Variants in EYS observed in about 807,000 individuals in gnomAD.
EYS encodes the protein protein eyes shut homolog.
In EYS, 250 loss-of-function variants were observed where a neutral mutation model predicts 282.1. That is an observed-to-expected ratio of 0.89 (90% CI 0.80 to 0.98). The LOEUF (loss-of-function observed/expected upper bound fraction) is 0.98. Among genes scored for constraint, EYS ranks in the 50% least tolerant of loss-of-function variants. The probability of loss-of-function intolerance (pLI) is 0.00; values close to 1 mark genes in which losing one functional copy is unlikely to be tolerated. For synonymous variants in EYS, 1,355 were observed against 1,282.9 expected (o/e 1.06, Z -1.20); for missense variants, 4,016 against 3,709.0 (o/e 1.08, Z -2.15).
intron 5 of EYS, among the ~76,000 whole-genome samples, chr6:65,435,380 A>T (rs1271021200): frequency 6.6e-6 from 1 of 152,048 alleles, no homozygotes. Flanking sequence ...AAATTTTCTA[A>T]TAAAATTTTG....
chr6:64,243,962 G>A (rs564990603), intron 30 of EYS, among the ~76,000 whole-genome samples: 13 of 152,184 alleles, frequency 8.5e-5, no homozygotes, highest in African/African-American at 2.9e-4. Context: ...ACCATTGTGA[G>A]TTCATCTGAA....
chr6:64,003,626 A>G (rs979195124), intron 33 of EYS, among the ~76,000 whole-genome samples: 1 of 152,174 alleles, frequency 6.6e-6, no homozygotes, highest in African/African-American at 2.4e-5. Flanking sequence ...ACTTTGGAAA[A>G]TTTTTACCTG....
chr6:65,414,480 C>G (rs1767152396), intron 5 of EYS, among the ~76,000 whole-genome samples: 1 of 151,664 alleles, frequency 6.6e-6, no homozygotes, highest in South Asian at 2.1e-4. Context: ...GTGAAGAAGA[C>G]AGTGAGAAAA....
chr6:64,365,629 A>G (rs1035694701), intron 29 of EYS, among the ~76,000 whole-genome samples: 4 of 152,036 alleles, frequency 2.6e-5, no homozygotes, highest in African/African-American at 9.7e-5. Context: ...TTCATGGGTG[A>G]TATGGTGAAC....
chr6:65,416,123 T>C (rs369954549), intron 5 of EYS, among the ~76,000 whole-genome samples: 2 of 151,904 alleles, frequency 1.3e-5, no homozygotes, highest in African/African-American at 4.8e-5. Flanking sequence ...AAAGGCTCAA[T>C]AGTCTTTGTT....
chr6:64,904,238 A>C (rs1767756445), intron 16 of EYS, among the ~76,000 whole-genome samples: 1 of 152,166 alleles, frequency 6.6e-6, no homozygotes, highest in African/African-American at 2.4e-5. Flanking sequence ...GACAAGCAAT[A>C]TTTTTAATTT....
chr6:65,284,014 C>T (rs558935740), intron 12 of EYS, among the ~76,000 whole-genome samples: 2 of 152,154 alleles, frequency 1.3e-5, no homozygotes, highest in African/African-American at 2.4e-5. Flanking sequence ...ATGTTATATA[C>T]GTTTTCCATC....
chr6:65,698,557 T>C (rs147871930), intron 1 of EYS, among the ~76,000 whole-genome samples: 1,845 of 152,312 alleles, frequency 0.012, 12 homozygotes, highest in Non-Finnish European at 0.016. Flanking sequence ...AATTGTATTC[T>C]ATGTAACTCA....
chr6:63,985,922 A>G (rs976712926), intron 34 of EYS, among the ~76,000 whole-genome samples: 1 of 151,938 alleles, frequency 6.6e-6, no homozygotes, highest in Non-Finnish European at 1.5e-5. Context: ...AAAATTGACT[A>G]GTGGGATCTA....
At chr6:63,942,440 ATCTCTATTAAGGTGTC>A (rs1239557366) in intron 35 of EYS, among the ~76,000 whole-genome samples, 1 of 152,202 alleles carries the variant, frequency 6.6e-6, no homozygotes, top group Non-Finnish European at 1.5e-5. Flanking sequence ...CTTAGTAGAC[ATCTCTATTAAGGTGTC>A]TCTAATTAAT....
chr6:65,060,179 A>C (rs1236907175), intron 12 of EYS, among the ~76,000 whole-genome samples: 3 of 151,974 alleles, frequency 2.0e-5, no homozygotes, highest in Admixed American at 6.6e-5. Flanking sequence ...AGGATAAAGA[A>C]TTTATGATCT....
intron 30 of EYS, among the ~76,000 whole-genome samples, chr6:64,236,752 G>C (rs1290322147): frequency 6.9e-6 from 1 of 144,296 alleles, no homozygotes; most frequent in African/African-American, 2.6e-5. Context: ...TTTCTTTCAG[G>C]TTTTTTTAAT....
At chr6:63,887,691 G>A (rs749539428) in intron 35 of EYS, among the ~76,000 whole-genome samples, 2 of 152,148 alleles carry the variant, frequency 1.3e-5, no homozygotes, top group African/African-American at 2.4e-5. Flanking sequence ...GGGTGCCCAC[G>A]TCACCAGGGC....
rs533472431 is a variant in EYS, at chr6:65,034,912, A to G, written c.2137+22702T>C. ...ATACCTCACAAAGAAACAACAAAAA[A>G]AGAAAAATTTAGACCGATATCTCTG... On this transcript the variant is annotated intron_variant, in intron 13 of 42. Coordinates refer to ENST00000503581, the MANE Select transcript of EYS (RefSeq NM_001142800.2). 1.7e-4 allele frequency among the ~76,000 whole-genome samples: 26 copies of G among 152,258 alleles called. No homozygotes were observed. In the South Asian group the frequency reaches 3.7e-3, roughly 22 times the overall value.
intron 19 of EYS, among the ~76,000 whole-genome samples, chr6:64,849,208 C>T (rs987584783): frequency 1.3e-5 from 2 of 151,738 alleles, no homozygotes; most frequent in African/African-American, 4.8e-5. Flanking sequence ...ACAATACTAG[C>T]CTGCTTTACA....
intron 41 of EYS, among the ~76,000 whole-genome samples, chr6:63,759,492 TTGTACTGAAAAGC>T (rs936103412): frequency 9.2e-5 from 14 of 152,182 alleles, no homozygotes; most frequent in African/African-American, 3.4e-4. Flanking sequence ...ATTTAGCAGG[TTGTACTGAAAAGC>T]ATAGAAGACT....
chr6:65,196,763 T>C (rs1335920562), intron 12 of EYS, among the ~76,000 whole-genome samples: 1 of 152,094 alleles, frequency 6.6e-6, no homozygotes, highest in Admixed American at 6.6e-5. Flanking sequence ...ATAGACTCAT[T>C]ACAAATTATC....
chr6:64,088,293 G>A (rs1005242690), intron 31 of EYS, among the ~76,000 whole-genome samples: 7 of 151,746 alleles, frequency 4.6e-5, no homozygotes, highest in African/African-American at 7.3e-5. Context: ...AAGCAACAAG[G>A]TCTTTATACG....
chr6:64,326,522 G>C (rs541234424), intron 29 of EYS, among the ~76,000 whole-genome samples: 2 of 152,200 alleles, frequency 1.3e-5, no homozygotes, highest in East Asian at 1.9e-4. Context: ...CAGACTTTCT[G>C]GACAAATGTC....
Sources: gnomAD v4.1 joint callset for allele counts (sites outside exome capture counted in the v4.1 genomes callset) on GRCh38, gnomAD v4.1.1 for gene constraint, MANE v1.5 for transcripts, NCBI Gene and HGNC (gene_info 2026-07-23, HGNC 2026-07-21) for gene names.